The following ASH1L variants were observed in gnomAD, a reference collection of about 807,000 sequenced individuals.
ASH1L encodes the protein histone-lysine N-methyltransferase ASH1L.
Under a neutral mutation model 269.0 loss-of-function variants are expected in ASH1L, and 23 were observed. The ratio of observed to expected loss-of-function variants is 0.09; its 90% confidence interval spans 0.06 to 0.12. The LOEUF (loss-of-function observed/expected upper bound fraction) is 0.12. ASH1L is among the 10% of genes least tolerant of loss of function. The probability of loss-of-function intolerance (pLI) is 1.00; values close to 1 mark genes in which losing one functional copy is unlikely to be tolerated. For synonymous variants in ASH1L, 1,187 were observed against 1,253.5 expected (o/e 0.95, Z 1.12); for missense variants, 2,912 against 3,567.8 (o/e 0.82, Z 4.68).
At chr1:155,542,846 A>G (rs761384940) in intron 1 of ASH1L, among the ~76,000 whole-genome samples, 7 of 151,156 alleles carry the variant, frequency 4.6e-5, no homozygotes, top group Non-Finnish European at 7.4e-5. Context: ...TGCCCAGCTA[A>G]TTTTTTGTAT....
In ASH1L at chr1:155,343,182, C is replaced by T. The variant is rs886648985; in HGVS notation, c.8293+132G>A. 3.8e-5 allele frequency: 36 copies of T among 947,756 alleles called. No homozygotes were observed. Among genetic ancestry groups the T allele is most frequent in the African/African-American group, 3.0e-4 (18 of 60,826 alleles). The allele number at this position is 947,756 out of a possible 1,614,324, so 58.7% of individuals were successfully genotyped here. On this transcript the variant is annotated intron_variant, in intron 24 of 27. Coordinates refer to ENST00000392403, the MANE Select transcript of ASH1L (RefSeq NM_018489.3). This position sits in a 1 kb window ranked among gnomAD's most constrained non-coding sequence, Gnocchi z 6.1. ...CAGCTACAGAGGCAGAGTTTTGCCA[C>T]GTTGGCCAGGCTGGTCTCACACTCC...
intron 1 of ASH1L, among the ~76,000 whole-genome samples, chr1:155,527,535 T>C (rs1248685871): frequency 7.0e-6 from 1 of 143,140 alleles, no homozygotes; most frequent in Non-Finnish European, 1.5e-5. Context: ...GGATACCTTT[T>C]TTTTTTTTTT....
At chr1:155,368,332 G>GA (rs1655623174) in intron 12 of ASH1L, among the ~76,000 whole-genome samples, 1 of 152,034 alleles carries the variant, frequency 6.6e-6, no homozygotes, top group South Asian at 2.1e-4. Flanking sequence ...AATTATCAGT[G>GA]AAGACATCTG....
intron 1 of ASH1L, among the ~76,000 whole-genome samples, chr1:155,522,344 C>A (rs767569549): frequency 6.6e-6 from 1 of 152,154 alleles, no homozygotes; most frequent in Non-Finnish European, 1.5e-5. Flanking sequence ...TCATGCTACA[C>A]TCTGAAAATA....
intron 1 of ASH1L, among the ~76,000 whole-genome samples, chr1:155,535,547 A>C (rs1669996279): frequency 6.6e-6 from 1 of 152,004 alleles, no homozygotes; most frequent in Non-Finnish European, 1.5e-5. Context: ...TTGGGAGGCC[A>C]AGGCAATAGG....
intron 1 of ASH1L, among the ~76,000 whole-genome samples, chr1:155,521,987 G>A (rs1668917030): frequency 6.6e-6 from 1 of 152,078 alleles, no homozygotes; most frequent in Admixed American, 6.6e-5. Context: ...TTCTGCTGAA[G>A]TACACTTTTA....
intron 3 of ASH1L, among the ~76,000 whole-genome samples, chr1:155,470,758 G>T (rs2148701585): frequency 6.6e-6 from 1 of 151,976 alleles, no homozygotes; most frequent in South Asian, 2.1e-4. Flanking sequence ...TACCATGTTG[G>T]CCAGGCTGAT....
At chr1:155,546,531 C>T (rs1247783507) in intron 1 of ASH1L, among the ~76,000 whole-genome samples, 2 of 151,910 alleles carry the variant, frequency 1.3e-5, no homozygotes, top group East Asian at 1.9e-4. Flanking sequence ...GAGGCCGAGG[C>T]GGGCAGATCA....
intron 1 of ASH1L, among the ~76,000 whole-genome samples, chr1:155,554,617 C>T: frequency 6.6e-6 from 1 of 152,094 alleles, no homozygotes; most frequent in Non-Finnish European, 1.5e-5. Context: ...ATGTTGCCCC[C>T]AGGCTGGTCT....
intron 1 of ASH1L, among the ~76,000 whole-genome samples, chr1:155,541,437 T>C (rs114728105): frequency 1.1e-3 from 161 of 152,184 alleles, no homozygotes; most frequent in African/African-American, 3.8e-3. Context: ...CCTAATTAGT[T>C]TGAAGATATT....
In ASH1L at chr1:155,528,867, A is replaced by G. The variant is rs370730858; in HGVS notation, c.-99-7249T>C. Among the ~76,000 whole-genome samples, 53 of 151,940 alleles carry G rather than the reference A, an allele frequency of 3.5e-4. 1 individual carries two copies. The highest frequency in any genetic ancestry group is 1.1e-3 in the African/African-American group (47 of 41,348). On this transcript the variant is annotated intron_variant, in intron 1 of 27. Coordinates refer to ENST00000392403, the MANE Select transcript of ASH1L (RefSeq NM_018489.3). ...CCCTCTTCCCACCCTCCACCCTCCA[A>G]TAAGCCCCAGTGTGTGTTGTTCCCC...
intron 12 of ASH1L, among the ~76,000 whole-genome samples, chr1:155,369,239 C>T (rs1042979007): frequency 1.3e-5 from 2 of 151,996 alleles, no homozygotes; most frequent in Admixed American, 6.6e-5. Flanking sequence ...GTCAGGAGAT[C>T]GAGACCATCC....
At chr1:155,395,619 G>C in intron 6 of ASH1L, 66 bp from the exon 7 acceptor site, 2 of 1,120,342 alleles carry the variant, frequency 1.8e-6, no homozygotes, top group Non-Finnish European at 2.6e-6. Flanking sequence ...GTCAAATACA[G>C]ATAACAGATC....
chr1:155,395,286 T>C (rs1256479642), intron 7 of ASH1L, among the ~76,000 whole-genome samples, 173 bp downstream of exon 7: 1 of 152,174 alleles, frequency 6.6e-6, no homozygotes, highest in Non-Finnish European at 1.5e-5. Context: ...TGTGACCCCC[T>C]GACTATCAAA....
In ASH1L at chr1:155,338,340, T is replaced by C. The variant is rs759972382; in HGVS notation, c.8552A>G (p.Gln2851Arg). 10 of 1,614,004 alleles carry C rather than the reference T, an allele frequency of 6.2e-6. No individual in the cohort carries two copies. In the African/African-American group the frequency reaches 1.3e-4, roughly 22 times the overall value. Residue 2851 changes from glutamine to arginine, a missense_variant, in exon 27 of 28, where the codon CAG (glutamine) becomes CGG (arginine). Around this residue, in one of 13 missense-constraint regions of ASH1L, gnomAD observed 154 missense variants for 165.0 expected, o/e 0.93. Coordinates refer to ENST00000392403, the MANE Select transcript of ASH1L (RefSeq NM_018489.3). The part of the protein sequence containing the change: ...RSKPPLKDLG[Q>R]EDDALPLIEE... ...AATCAAGGGTAGAGCATCATCCTCC[T>C]GGCCCAAGTCTTTTAGGGGTGGCTT... is the stretch of plus-strand genomic sequence containing the variant.
At chr1:155,501,235 T>TA (rs1667477001) in intron 2 of ASH1L, among the ~76,000 whole-genome samples, 1 of 152,190 alleles carries the variant, frequency 6.6e-6, no homozygotes, top group Non-Finnish European at 1.5e-5. Flanking sequence ...GGGGTCTTGT[T>TA]ACGTTGCCAA....
At position 155,479,169 on chromosome 1, in the gene ASH1L, G is replaced by A. The variant is rs556471660; in HGVS notation, c.3701C>T (p.Pro1234Leu). 12 of 1,613,854 alleles carry A rather than the reference G, an allele frequency of 7.4e-6. No individual in the cohort carries two copies. Among genetic ancestry groups the A allele is most frequent in the African/African-American group, 4.0e-5 (3 of 74,832 alleles). Residue 1234 changes from proline to leucine, a missense_variant, in exon 3 of 28, where the codon CCC (proline) becomes CTC (leucine). By Grantham distance (98) the Pro-to-Leu change is moderately conservative. Around this residue, in one of 13 missense-constraint regions of ASH1L, gnomAD observed 789 missense variants for 897.6 expected, o/e 0.88. Transcript: ENST00000392403. ...RHSFEHVSLI[P>L]PETSTVLSSL... ...GCTTAGCACTGTAGAGGTTTCAGGG[G>A]GAATCAGAGAAACATGCTCAAAAGA...
chr1:155,523,055 A>G (rs1668995232), intron 1 of ASH1L, among the ~76,000 whole-genome samples: 1 of 152,226 alleles, frequency 6.6e-6, no homozygotes, highest in Admixed American at 6.5e-5. Flanking sequence ...AGACTGACAG[A>G]CTAGTCTTCA....
At chr1:155,541,123 A>G (rs531204938) in intron 1 of ASH1L, among the ~76,000 whole-genome samples, 26 of 152,278 alleles carry the variant, frequency 1.7e-4, no homozygotes, top group African/African-American at 5.8e-4. Flanking sequence ...CATATCTTCC[A>G]CTAGACCATG....
Sources: gnomAD v4.1 joint callset for allele counts (sites outside exome capture counted in the v4.1 genomes callset) on GRCh38, gnomAD v4.1.1 for gene constraint, gnomAD v4.1.1 regional missense constraint, Gnocchi (gnomAD v3.1) non-coding constraint, MANE v1.5 for transcripts, NCBI Gene and HGNC (gene_info 2026-07-23, HGNC 2026-07-21) for gene names.